Variants in LRP1B observed in about 807,000 individuals in gnomAD.
LRP1B encodes LDL receptor related protein 1B.
In LRP1B, 217 loss-of-function variants were observed where a neutral mutation model predicts 556.6. That is an observed-to-expected ratio of 0.39 (90% CI 0.35 to 0.44). The LOEUF is 0.44. Ranked by LOEUF, LRP1B falls within the 20% of genes least tolerant of loss-of-function variation. The pLI is 1.00. For missense variants in LRP1B, 5,053 were observed against 5,620.8 expected, an observed-to-expected ratio of 0.90 and a Z score of 3.23; for synonymous variants, 2,047 against 1,865.8, an observed-to-expected ratio of 1.10 and a Z score of -2.50.
chr2:141,895,975 T>TTTTAAGTATC (rs1699441175), intron 1 of LRP1B, among the ~76,000 whole-genome samples: 1 of 151,940 alleles, frequency 6.6e-6, no homozygotes, highest in South Asian at 2.1e-4. Flanking sequence ...ATTTAAGTAT[T>TTTTAAGTATC]TTGGATTGGA....
At chr2:140,861,429 T>A (rs938765148) in intron 27 of LRP1B, among the ~76,000 whole-genome samples, 7 of 152,118 alleles carry the variant, frequency 4.6e-5, no homozygotes, top group African/African-American at 1.7e-4. Context: ...GAAAGACTGA[T>A]GTATTTAATC....
chr2:140,785,824 G>C (rs1418652200), intron 32 of LRP1B, among the ~76,000 whole-genome samples: 1 of 152,020 alleles, frequency 6.6e-6, no homozygotes, highest in Non-Finnish European at 1.5e-5. Flanking sequence ...ACTTTTCTCA[G>C]CAAATGGTAC....
At chr2:140,768,923 G>C (rs1009951393) in intron 35 of LRP1B, among the ~76,000 whole-genome samples, 1 of 151,620 alleles carries the variant, frequency 6.6e-6, no homozygotes. Flanking sequence ...TAAAAGTAAA[G>C]TATCAAAATA....
At chr2:141,994,649 G>A (rs556407715) in intron 1 of LRP1B, among the ~76,000 whole-genome samples, 1 of 152,216 alleles carries the variant, frequency 6.6e-6, no homozygotes, top group South Asian at 2.1e-4. Context: ...TTAAATGGGA[G>A]GTAAATGTAA....
chr2:140,867,501 T>G (rs186028625), intron 27 of LRP1B, 89 bp downstream of exon 27: 1 of 1,359,602 alleles, frequency 7.4e-7, no homozygotes, highest in Admixed American at 2.4e-5. Context: ...AACTTTTAAC[T>G]TATAGAAGTT....
chr2:141,965,670 G>A (rs1207929867), intron 1 of LRP1B, among the ~76,000 whole-genome samples: 11 of 136,890 alleles, frequency 8.0e-5, no homozygotes, highest in South Asian at 2.4e-4. Context: ...TGGGTGCAGC[G>A]CACCAGCATG....
intron 14 of LRP1B, among the ~76,000 whole-genome samples, chr2:141,009,013 G>A (rs928400890): frequency 4.6e-5 from 7 of 151,844 alleles, no homozygotes; most frequent in African/African-American, 1.7e-4. Context: ...AGAAATCAGC[G>A]CAAAAGAATT....
intron 3 of LRP1B, among the ~76,000 whole-genome samples, chr2:141,259,600 T>A (rs118187671): frequency 6.6e-6 from 1 of 152,120 alleles, no homozygotes. Flanking sequence ...AAGCCCACAA[T>A]GGAAAGAGCC....
intron 3 of LRP1B, among the ~76,000 whole-genome samples, chr2:141,318,502 C>T (rs1306186401): frequency 9.2e-5 from 14 of 152,076 alleles, no homozygotes; most frequent in Admixed American, 8.5e-4. Flanking sequence ...TAATTCTTCA[C>T]TTTATCTCCT....
intron 41 of LRP1B, among the ~76,000 whole-genome samples, chr2:140,655,254 A>G (rs1006606256): frequency 1.3e-5 from 2 of 152,168 alleles, no homozygotes; most frequent in African/African-American, 4.8e-5. Context: ...CTTATAAAGT[A>G]CAGTGGTGAC....
intron 2 of LRP1B, among the ~76,000 whole-genome samples, chr2:141,565,332 A>G (rs1363140180): frequency 6.6e-6 from 1 of 152,138 alleles, no homozygotes; most frequent in Admixed American, 6.5e-5. Context: ...ATTCAAATGA[A>G]ATTAGAATAC....
At chr2:140,267,878 CAGAT>C (rs1184367438) in intron 86 of LRP1B, among the ~76,000 whole-genome samples, 2 of 151,772 alleles carry the variant, frequency 1.3e-5, no homozygotes, top group Non-Finnish European at 2.9e-5. Flanking sequence ...TTGTGTTTAT[CAGAT>C]AGGCCAATTA....
chr2:140,806,607 A>T (rs1270280060), intron 32 of LRP1B, among the ~76,000 whole-genome samples: 2 of 152,188 alleles, frequency 1.3e-5, no homozygotes, highest in Non-Finnish European at 2.9e-5. Context: ...ACTCATTTTC[A>T]TAAACAATGT....
intron 35 of LRP1B, among the ~76,000 whole-genome samples, chr2:140,745,510 T>C (rs949158067): frequency 2.6e-5 from 4 of 152,164 alleles, no homozygotes; most frequent in African/African-American, 7.2e-5. Context: ...CTTAAAACTA[T>C]GACTATCCCC....
intron 11 of LRP1B, among the ~76,000 whole-genome samples, chr2:141,023,241 A>G (rs900680422): frequency 2.6e-5 from 4 of 151,890 alleles, no homozygotes; most frequent in Non-Finnish European, 5.9e-5. Flanking sequence ...GAATGGAGTA[A>G]TATATAAATA....
At chr2:141,549,433 A>C (rs1685672057) in intron 2 of LRP1B, among the ~76,000 whole-genome samples, 1 of 152,180 alleles carries the variant, frequency 6.6e-6, no homozygotes, top group African/African-American at 2.4e-5. Flanking sequence ...TACAATTATT[A>C]AAGTTTACTT....
At chr2:140,395,098 GAC>G (rs1684192304) in intron 66 of LRP1B, among the ~76,000 whole-genome samples, 2 of 152,154 alleles carry the variant, frequency 1.3e-5, no homozygotes, top group Admixed American at 1.3e-4. Context: ...GACAAATCCT[GAC>G]TAATGGGAAC....
chr2:140,357,935 G>T, intron 74 of LRP1B, 44 bp downstream of exon 74: 1 of 1,580,734 alleles, frequency 6.3e-7, no homozygotes. Context: ...GCAGAAGTTA[G>T]ACTTGTGTAT....
chr2:141,976,773 T>C (rs1034691678), intron 1 of LRP1B, among the ~76,000 whole-genome samples: 2 of 152,022 alleles, frequency 1.3e-5, no homozygotes, highest in Non-Finnish European at 2.9e-5. Flanking sequence ...GAGAAGGGAA[T>C]AGTGTTAATA....
Sources: allele counts gnomAD v4.1 joint callset (sites outside exome capture counted in the v4.1 genomes callset), GRCh38; gene constraint gnomAD v4.1.1; transcripts MANE v1.5; gene names NCBI Gene and HGNC (gene_info 2026-07-23, HGNC 2026-07-21).